BOP1: variants seen among roughly 807,000 people sequenced by gnomAD.
BOP1 encodes the protein ribosome biogenesis protein BOP1.
BOP1 carries 54 observed loss-of-function variants against 82.9 expected under a neutral mutation model. The observed-to-expected ratio is 0.65, with a 90% CI of 0.52 to 0.82. The LOEUF (loss-of-function observed/expected upper bound fraction) is 0.82. Ranked by LOEUF, BOP1 falls within the 40% of genes least tolerant of loss-of-function variation. BOP1 has a pLI of 0.00. For synonymous variants in BOP1, 566 were observed against 451.1 expected (o/e 1.25, Z -3.23); for missense variants, 1,170 against 1,072.0 (o/e 1.09, Z -1.28).
In BOP1 at chr8:144,267,056, C is replaced by T. The variant is rs1458247848; in HGVS notation, c.391-1985G>A. Reference sequence around the variant, plus strand: ...GGACAGCCCTGCCACTCCGGGCCCGCCTTCTTCCACGCGGCGCGCGCCGGC... The same window carrying T: ...GGACAGCCCTGCCACTCCGGGCCCGTCTTCTTCCACGCGGCGCGCGCCGGC... On this transcript the variant is annotated intron_variant, in intron 3 of 15. Transcript: ENST00000569669. 28 of 1,481,768 alleles carry T rather than the reference C, an allele frequency of 1.9e-5. No individual in the cohort carries two copies. The Middle Eastern group carries it at 9.7e-4, about 51-fold the overall frequency. The allele number at this position is 1,481,768 out of a possible 1,614,324, so 91.8% of individuals were successfully genotyped here.
chr8:144,262,431 G>A lies in BOP1; in HGVS notation c.2052C>T (p.Asp684=), dbSNP rs945529500. ...TGCCATGGCAGACGATGACACTGCC[G>A]TCGTCCGAGCCTGACGCAAAGAGTG... The part of the protein sequence containing the change: ...RYPLFASGSD[D]GSVIVCHGMV... Residue 684 remains aspartate (D), a synonymous_variant, in exon 15 of 16, where the codon GAC becomes GAT. Coordinates refer to ENST00000569669, the MANE Select transcript of BOP1 (RefSeq NM_015201.5). The A allele has an allele frequency of 3.0e-5, 48 of 1,612,664 alleles. No homozygotes were observed. The highest frequency in any genetic ancestry group is 1.6e-4 in the Middle Eastern group (1 of 6,072).
In BOP1 at chr8:144,263,254, T is replaced by C. The variant is rs1339604801; in HGVS notation, c.1572A>G (p.Gln524=). The C allele has an allele frequency of 2.4e-5, 39 of 1,594,838 alleles. No homozygotes were observed. The highest frequency in any genetic ancestry group is 3.1e-5 in the Non-Finnish European group (36 of 1,179,242). The change falls in exon 12 of 16, where the codon CAA becomes CAG. Residue 524 remains glutamine, a synonymous_variant. Transcript: ENST00000569669. ...GGCAGATGCGCAGCCGCAGGCCCAC[T>C]TGGCGCTCCTCCTCTGAGGCCTCCA... ...RWLEASEEER[Q]VGLRLRICHG...
chr8:144,273,436 G>A (rs1036253031), intron 3 of BOP1, among the ~76,000 whole-genome samples: 1 of 152,358 alleles, frequency 6.6e-6, no homozygotes, highest in South Asian at 2.1e-4. Flanking sequence ...CAGCACCACG[G>A]GGCACAGGAA....
chr8:144,275,573 C>T (rs1035042469), intron 3 of BOP1, among the ~76,000 whole-genome samples: 12 of 152,270 alleles, frequency 7.9e-5, no homozygotes, highest in East Asian at 1.9e-4. Flanking sequence ...CATCCCCCTT[C>T]GCCTGCAAGC....
chr8:144,268,280 A>T (rs1845427416), intron 3 of BOP1: 1 of 1,289,988 alleles, frequency 7.8e-7, no homozygotes, highest in East Asian at 2.5e-5. Flanking sequence ...CCTGGCTGCG[A>T]GCGGGGCCGA....
chr8:144,262,772 C>T (rs1310261882), intron 13 of BOP1, 81 bp downstream of exon 13: 2 of 1,377,488 alleles, frequency 1.5e-6, no homozygotes, highest in Non-Finnish European at 1.9e-6. Flanking sequence ...TGCACTGCCC[C>T]TACCCCCACC....
In BOP1 at chr8:144,264,964, C is replaced by T. The variant is rs1243307315; in HGVS notation, c.498G>A (p.Arg166=). 6.2e-7 allele frequency: 1 copy of T among 1,612,288 alleles called. No individual in the cohort carries two copies. The highest frequency in any genetic ancestry group is 1.3e-5 in the African/African-American group (1 of 74,902). The change falls in exon 4 of 16, where the codon CGG becomes CGA. Residue 166 remains arginine (R), a synonymous_variant. Coordinates refer to ENST00000569669, the MANE Select transcript of BOP1 (RefSeq NM_015201.5). ...GRRIYKPLRT[R]DELDQFLDKM... is the part of the protein sequence containing the mutation. The stretch of plus-strand genomic sequence containing the variant: ...TGTCCAGGAACTGGTCCAGCTCATC[C>T]CGGGTCCGCAGGGGCTTGTAGATGC...
At chr8:144,277,373 C>T (rs1218696699) in intron 2 of BOP1, among the ~76,000 whole-genome samples, 2 of 152,234 alleles carry the variant, frequency 1.3e-5, no homozygotes, top group Non-Finnish European at 2.9e-5. Context: ...TGAGCCCCCA[C>T]AGCCGCAGCA....
At chr8:144,266,933 C>T in intron 3 of BOP1, 2 of 1,558,844 alleles carry the variant, frequency 1.3e-6, no homozygotes, top group Non-Finnish European at 8.6e-7. Flanking sequence ...ACCGAGCCCG[C>T]CGACCGCAAG....
chr8:144,270,198 G>A lies in BOP1; in HGVS notation c.391-5127C>T, dbSNP rs967364025. ...GTCGGCGGCCGGCACCAAGGACAGG[G>A]CAGAGCCAGCTCAGAGCGGGAATGC... is the stretch of plus-strand genomic sequence containing the variant. On this transcript the variant is annotated intron_variant, in intron 3 of 15. Transcript: ENST00000569669. Among the ~76,000 whole-genome samples the A allele has an allele frequency of 2.5e-3, 380 of 152,306 alleles. 2 individuals carry two copies. Among genetic ancestry groups the A allele is most frequent in the African/African-American group, 8.5e-3 (355 of 41,566 alleles).
intron 3 of BOP1, among the ~76,000 whole-genome samples, chr8:144,272,241 A>G (rs1845503516): frequency 2.0e-5 from 3 of 151,824 alleles, no homozygotes; most frequent in African/African-American, 2.4e-5. Context: ...TACAACTTCC[A>G]GGTGGGGTGG....
Position 144,265,098 on chromosome 8 carries a change from A to C in BOP1, c.391-27T>G, listed in dbSNP as rs1845330509. The C allele has an allele frequency of 1.9e-6, 3 of 1,598,586 alleles. No individual in the cohort carries two copies. In the African/African-American group the frequency reaches 4.0e-5, roughly 21 times the overall value. Reference sequence around the variant, plus strand: ...TGCAGCCGGGGGCCACCATGTCGGCATCTGATCCTACAAGGCCCACCCCCG... The same window carrying C: ...TGCAGCCGGGGGCCACCATGTCGGCCTCTGATCCTACAAGGCCCACCCCCG... On this transcript the variant is annotated intron_variant, in intron 3 of 15. Coordinates refer to ENST00000569669, the MANE Select transcript of BOP1 (RefSeq NM_015201.5).
rs1588593267 is a variant in BOP1, at chr8:144,268,520, A to G, written c.391-3449T>C. On this transcript the variant is annotated intron_variant, in intron 3 of 15. Transcript: ENST00000569669. ...TGTCCTCATGAAAGGTTCAGAATCC[A>G]CCCCCAGCCCCCAGCCTGAGCCTCC... The G allele has an allele frequency of 3.4e-5, 10 of 290,838 alleles. No individual in the cohort carries two copies. The East Asian group carries it at 8.5e-4, about 25-fold the overall frequency. The allele number at this position is 290,838 out of a possible 1,614,324, so 18.0% of individuals were successfully genotyped here.
At chr8:144,274,729 C>T (rs1360569715) in intron 3 of BOP1, among the ~76,000 whole-genome samples, 3 of 152,240 alleles carry the variant, frequency 2.0e-5, no homozygotes, top group African/African-American at 4.8e-5. Context: ...GCTGCCCACC[C>T]GGCAGGCGGC....
chr8:144,262,454 G>A lies in BOP1; in HGVS notation c.2029C>T (p.Leu677Phe). 6.2e-7 allele frequency: 1 copy of A among 1,612,972 alleles called. No individual in the cohort carries two copies. Among genetic ancestry groups the A allele is most frequent in the Non-Finnish European group, 8.5e-7 (1 of 1,179,844 alleles). Residue 677 changes from leucine to phenylalanine, a missense_variant, in exon 15 of 16, where the codon CTC (leucine) becomes TTC (phenylalanine). Leu to Phe is a conservative substitution (Grantham distance 22). Transcript: ENST00000569669. ...CCGTCGTCCGAGCCTGACGCAAAGA[G>A]TGGGTACCGCGGGTGGAAGGCCACA... is the stretch of plus-strand genomic sequence containing the variant. ...RAVAFHPRYP[L>F]FASGSDDGSV...
chr8:144,277,418 A>G, intron 2 of BOP1, among the ~76,000 whole-genome samples: 1 of 152,304 alleles, frequency 6.6e-6, no homozygotes, highest in African/African-American at 2.4e-5. Context: ...CCAGACGCGC[A>G]CAAGGGCAGT....
At chr8:144,280,887 C>G (rs1265921417) in intron 2 of BOP1, among the ~76,000 whole-genome samples, 1 of 151,974 alleles carries the variant, frequency 6.6e-6, no homozygotes, top group Non-Finnish European at 1.5e-5. Context: ...CACTTTAATA[C>G]CAGGTCTTCG....
Position 144,263,539 on chromosome 8 carries a change from C to T in BOP1, c.1363G>A (p.Gly455Ser). 1 of 1,600,472 alleles carries T rather than the reference C, an allele frequency of 6.2e-7. No homozygotes were observed. The highest frequency in any genetic ancestry group is 8.5e-7 in the Non-Finnish European group (1 of 1,179,742). Residue 455 changes from glycine (G) to serine (S), a missense_variant, in exon 11 of 16, where the codon GGC becomes AGC. Gly to Ser is a moderately conservative substitution (Grantham distance 56). Transcript: ENST00000569669. ...TTCCAGGCCACACTCTTCACCACGC[C>T]CCCCACGGGAACAGTCCTCACACAG... ...ARCVRTVPVG[G>S]VVKSVAWNPS...
rs1271495767 is a variant in BOP1, at chr8:144,262,309, A to G, written c.2096T>C (p.Leu699Pro). ...VCHGMVYNDL[L>P]QNPLLVPVKV... ...GACGGGCACCAGCAAGGGGTTCTGC[A>G]GAAGGTCACTGTGGGGACGAGGAGG... Residue 699 changes from leucine to proline, a missense_variant, in exon 16 of 16, where the codon CTG becomes CCG. Physicochemically the swap from Leu to Pro is moderately conservative, Grantham distance 98. Transcript: ENST00000569669. 1 of 1,612,748 alleles carries G rather than the reference A, an allele frequency of 6.2e-7. No individual in the cohort carries two copies. The highest frequency in any genetic ancestry group is 1.3e-5 in the African/African-American group (1 of 74,890).
Sources: gnomAD v4.1 joint callset for allele counts (sites outside exome capture counted in the v4.1 genomes callset) on GRCh38, gnomAD v4.1.1 for gene constraint, MANE v1.5 for transcripts, NCBI Gene and HGNC (gene_info 2026-07-23, HGNC 2026-07-21) for gene names.